The following RAB3C variants were observed in gnomAD, a reference collection of about 807,000 sequenced individuals.
RAB3C encodes the protein ras-related protein Rab-3C.
RAB3C carries 17 observed loss-of-function variants against 26.4 expected under a neutral mutation model. The observed-to-expected ratio is 0.64, with a 90% CI of 0.44 to 0.97. RAB3C has a LOEUF of 0.97. Ranked by LOEUF, RAB3C falls within the 50% of genes least tolerant of loss-of-function variation. The pLI, the probability that RAB3C is intolerant of heterozygous loss-of-function variation, is 0.00. For synonymous variants in RAB3C, 91 were observed against 95.9 expected, an observed-to-expected ratio of 0.95 and a Z score of 0.30; for missense variants, 242 against 281.9, an observed-to-expected ratio of 0.86 and a Z score of 1.01.
chr5:58,582,436 C>T (rs2111639759), upstream of RAB3C: 12 of 985,122 alleles, frequency 1.2e-5, no homozygotes, highest in Non-Finnish European at 1.4e-5. Flanking sequence ...AAAGGAGTTC[C>T]TTGGGGTGCT....
chr5:58,756,710 C>T, intron 3 of RAB3C, among the ~76,000 whole-genome samples: 2 of 138,060 alleles, frequency 1.4e-5, no homozygotes, highest in African/African-American at 2.7e-5. Flanking sequence ...TTTTCTGTTC[C>T]TGTGTTAGCT....
chr5:58,746,439 A>C (rs6892729), intron 3 of RAB3C, among the ~76,000 whole-genome samples: 2,314 of 152,314 alleles, frequency 0.015, 48 homozygotes, highest in African/African-American at 0.053. Flanking sequence ...GGCAGCAGCT[A>C]ACGGAGAGGG....
rs1209534337 is a variant in RAB3C at position 58,859,340 on chromosome 5, GTTTGT to G, written c.*7993_*7997del. 2.0e-5 allele frequency: 3 copies of G among 152,172 alleles called. No individual in the cohort carries two copies. The highest frequency in any genetic ancestry group is 7.2e-5 in the African/African-American group (3 of 41,434). 9.4% of individuals were successfully genotyped at this position (152,172 alleles called of 1,614,324 possible). A position where few individuals can be genotyped will look rare whatever the true frequency, so the allele number is the denominator to read the frequency against. On this transcript the variant is annotated 3_prime_UTR_variant, in exon 5 of 5. Coordinates refer to ENST00000282878, the MANE Select transcript of RAB3C (RefSeq NM_138453.4). ...AAAGAAAGTGGTTTTTGTTCTTTGA[GTTTGT>G]TTTATTTCTTGAAGATTACAATAAA... is the stretch of plus-strand genomic sequence containing the variant.
At chr5:58,588,757 T>A (rs1579801054) in intron 1 of RAB3C, among the ~76,000 whole-genome samples, 1 of 152,274 alleles carries the variant, frequency 6.6e-6, no homozygotes, top group South Asian at 2.1e-4. Context: ...CTCTGATCTG[T>A]TTGTCCTGAC....
chr5:58,796,323 A>G (rs2099827290), intron 3 of RAB3C, among the ~76,000 whole-genome samples: 1 of 152,202 alleles, frequency 6.6e-6, no homozygotes, highest in Admixed American at 6.5e-5. Flanking sequence ...GAGAAATGCT[A>G]AGTTGGGCTT....
At chr5:58,747,132 T>C (rs1041659470) in intron 3 of RAB3C, among the ~76,000 whole-genome samples, 19 of 152,198 alleles carry the variant, frequency 1.2e-4, no homozygotes, top group Admixed American at 3.3e-4. Flanking sequence ...ACATTATTTC[T>C]GACCAAATCT....
chr5:58,723,954 T>C (rs1740828252), intron 2 of RAB3C, among the ~76,000 whole-genome samples: 1 of 151,766 alleles, frequency 6.6e-6, no homozygotes, highest in Non-Finnish European at 1.5e-5. Context: ...GAATTATAAG[T>C]GATGCCCCAG....
chr5:58,627,471 T>TAAAAAAAAAAAAAAAAAAAAAAAAAAA (rs58104232), intron 2 of RAB3C, among the ~76,000 whole-genome samples: 1 of 68,422 alleles, frequency 1.5e-5, no homozygotes, highest in Non-Finnish European at 3.2e-5. Flanking sequence ...GACTCCGTCT[T>TAAAAAAAAAAAAAAAAAAAAAAAAAAA]AAAAAAAAAA....
Position 58,857,786 on chromosome 5 carries a change from T to C in RAB3C, c.*6435T>C, listed in dbSNP as rs2112098462. ...TTTGTAATGCCATCATAAACTCATA[T>C]ATTCATCCTCAAACTCCCTTGTTTA... On this transcript the variant is annotated 3_prime_UTR_variant, in exon 5 of 5. Transcript: ENST00000282878. 1 of 152,320 alleles carries C rather than the reference T, an allele frequency of 6.6e-6. No individual in the cohort carries two copies. The highest frequency in any genetic ancestry group is 1.5e-5 in the Non-Finnish European group (1 of 68,022). 9.4% of individuals were successfully genotyped at this position (152,320 alleles called of 1,614,324 possible).
chr5:58,733,443 G>A (rs1741068762), intron 3 of RAB3C, among the ~76,000 whole-genome samples: 1 of 152,144 alleles, frequency 6.6e-6, no homozygotes, highest in African/African-American at 2.4e-5. Flanking sequence ...TGTCATCATG[G>A]TCCTTAACTA....
At chr5:58,804,837 T>C (rs1672321892) in intron 3 of RAB3C, among the ~76,000 whole-genome samples, 1 of 151,952 alleles carries the variant, frequency 6.6e-6, no homozygotes, top group African/African-American at 2.4e-5. Flanking sequence ...TAAAAATAAA[T>C]TTAATCAATA....
At chr5:58,743,261 T>C (rs1245263426) in intron 3 of RAB3C, among the ~76,000 whole-genome samples, 1 of 152,132 alleles carries the variant, frequency 6.6e-6, no homozygotes, top group African/African-American at 2.4e-5. Flanking sequence ...TTTTTTGTTT[T>C]TGTTTTTGTT....
At chr5:58,824,235 A>G (rs1743421748) in intron 3 of RAB3C, among the ~76,000 whole-genome samples, 1 of 152,086 alleles carries the variant, frequency 6.6e-6, no homozygotes, top group African/African-American at 2.4e-5. Flanking sequence ...CTTTGGGTAT[A>G]TACCCTGCAA....
chr5:58,645,537 T>G (rs1747498078), intron 2 of RAB3C, among the ~76,000 whole-genome samples: 1 of 152,168 alleles, frequency 6.6e-6, no homozygotes, highest in African/African-American at 2.4e-5. Context: ...CTACCCACCG[T>G]CATGAACATC....
chr5:58,628,075 T>C (rs1347587456), intron 2 of RAB3C, among the ~76,000 whole-genome samples: 1 of 143,012 alleles, frequency 7.0e-6, no homozygotes, highest in Admixed American at 7.5e-5. Context: ...GAGAATCGCT[T>C]GAACCTGGGA....
At chr5:58,706,013 A>C (rs534419208) in intron 2 of RAB3C, among the ~76,000 whole-genome samples, 1 of 152,258 alleles carries the variant, frequency 6.6e-6, no homozygotes, top group South Asian at 2.1e-4. Flanking sequence ...TGGTACATCC[A>C]GTTGATGTTT....
At chr5:58,721,232 G>C (rs1442483258) in intron 2 of RAB3C, among the ~76,000 whole-genome samples, 1 of 115,030 alleles carries the variant, frequency 8.7e-6, no homozygotes, top group Non-Finnish European at 1.8e-5. Context: ...TAAGCTAACT[G>C]AAATAATTTT....
intron 2 of RAB3C, among the ~76,000 whole-genome samples, chr5:58,696,699 T>A (rs1177825137): frequency 1.3e-5 from 2 of 152,210 alleles, no homozygotes; most frequent in African/African-American, 4.8e-5. Context: ...ATTTTCTAGT[T>A]TATTTGTGTA....
At chr5:58,591,104 A>G (rs755878883) in intron 1 of RAB3C, among the ~76,000 whole-genome samples, 3 of 152,180 alleles carry the variant, frequency 2.0e-5, no homozygotes, top group Non-Finnish European at 2.9e-5. Context: ...TATTGCTACT[A>G]TGGAAGATAT....
Sources: allele counts gnomAD v4.1 joint callset (sites outside exome capture counted in the v4.1 genomes callset), GRCh38; gene constraint gnomAD v4.1.1; transcripts MANE v1.5; gene names NCBI Gene and HGNC (gene_info 2026-07-23, HGNC 2026-07-21).